The following IGFL2 variants were observed in gnomAD, a reference collection of about 807,000 sequenced individuals.
IGFL2 encodes insulin growth factor-like family member 2.
IGFL2 carries 7 observed loss-of-function variants against 13.9 expected under a neutral mutation model. That is an observed-to-expected ratio of 0.51 (90% CI 0.29 to 0.95). The LOEUF (loss-of-function observed/expected upper bound fraction) is 0.95, where lower values mean the gene tolerates loss of function less well. Among genes scored for constraint, IGFL2 ranks in the 40% least tolerant of loss-of-function variants. IGFL2 has a pLI of 0.08. For missense variants in IGFL2, 138 were observed against 147.8 expected, an observed-to-expected ratio of 0.93 and a Z score of 0.34; for synonymous variants, 55 against 55.8, an observed-to-expected ratio of 0.99 and a Z score of 0.07.
At chr19:46,120,839 A>G in the IGFL2 span, among the ~76,000 whole-genome samples, 1 of 150,916 alleles carries the variant, frequency 6.6e-6, no homozygotes, top group Admixed American at 6.6e-5. Flanking sequence ...AAAATGAGAA[A>G]TATTGAAGGT....
the IGFL2 span, chr19:46,203,220 A>G: frequency 6.6e-6 from 1 of 152,162 alleles, no homozygotes; most frequent in African/African-American, 2.4e-5. Context: ...CTCATTGTCT[A>G]GGGGAGGAAT....
the IGFL2 span, chr19:46,212,151 AC>A: frequency 1.3e-5 from 2 of 152,038 alleles, no homozygotes; most frequent in East Asian, 3.9e-4. Context: ...ACAACACTCT[AC>A]CCCACAGCAA....
chr19:46,097,426 C>A, the IGFL2 span, among the ~76,000 whole-genome samples: 1 of 151,930 alleles, frequency 6.6e-6, no homozygotes, highest in Non-Finnish European at 1.5e-5. Context: ...GTCTAGCTAG[C>A]AGTCTATTGA....
the IGFL2 span, among the ~76,000 whole-genome samples, chr19:46,192,356 A>G: frequency 7.2e-5 from 11 of 152,076 alleles, no homozygotes; most frequent in Non-Finnish European, 1.3e-4. Context: ...TACATTAAAC[A>G]TTGTGGAATT....
At chr19:46,120,858 T>C in the IGFL2 span, among the ~76,000 whole-genome samples, 21 of 150,958 alleles carry the variant, frequency 1.4e-4, 1 homozygote, top group Non-Finnish European at 3.1e-4. Context: ...GTAATAGATA[T>C]GTTAATTTCC....
chr19:46,154,043 T>C (rs1950947815), intron 1 of IGFL2, among the ~76,000 whole-genome samples: 1 of 152,098 alleles, frequency 6.6e-6, no homozygotes, highest in African/African-American at 2.4e-5. Context: ...TGTGTCCATG[T>C]GTTCTCACAG....
the IGFL2 span, among the ~76,000 whole-genome samples, chr19:46,117,890 G>C: frequency 6.6e-6 from 1 of 152,144 alleles, no homozygotes; most frequent in East Asian, 1.9e-4. Context: ...TGACACTACA[G>C]AGCCTGCCTT....
the IGFL2 span, among the ~76,000 whole-genome samples, chr19:46,199,170 T>C: frequency 6.6e-6 from 1 of 152,224 alleles, no homozygotes; most frequent in Non-Finnish European, 1.5e-5. Flanking sequence ...TCAGGAGACC[T>C]GGGCTCTGGT....
the IGFL2 span, among the ~76,000 whole-genome samples, chr19:46,136,413 C>T: frequency 6.6e-6 from 1 of 151,924 alleles, no homozygotes; most frequent in Non-Finnish European, 1.5e-5. Context: ...TGAAAAGATG[C>T]TATAGGTTCT....
At chr19:46,141,632 A>G (rs1972863306), upstream of IGFL2, among the ~76,000 whole-genome samples, 1 of 152,132 alleles carries the variant, frequency 6.6e-6, no homozygotes, top group South Asian at 2.1e-4. Context: ...ACAGGCTTCA[A>G]CAACATGACT....
At chr19:46,095,854 T>TA in the IGFL2 span, among the ~76,000 whole-genome samples, 1 of 152,180 alleles carries the variant, frequency 6.6e-6, no homozygotes, top group Admixed American at 6.5e-5. Flanking sequence ...TGTGTGGACT[T>TA]ATTTTTGAGA....
At chr19:46,082,047 A>G in the IGFL2 span, among the ~76,000 whole-genome samples, 1 of 152,234 alleles carries the variant, frequency 6.6e-6, no homozygotes, top group Non-Finnish European at 1.5e-5. Flanking sequence ...TTAGCAGAGT[A>G]TACACTTCTA....
chr19:46,183,404 T>G, the IGFL2 span, among the ~76,000 whole-genome samples: 1 of 151,826 alleles, frequency 6.6e-6, no homozygotes, highest in African/African-American at 2.4e-5. Context: ...CTTCTCTCCC[T>G]CTCTCATTTC....
At chr19:46,174,362 T>G in the IGFL2 span, among the ~76,000 whole-genome samples, 1 of 152,250 alleles carries the variant, frequency 6.6e-6, no homozygotes, top group South Asian at 2.1e-4. Context: ...GCTCTGGAGA[T>G]CCACATCCTG....
chr19:46,199,739 C>T, the IGFL2 span, among the ~76,000 whole-genome samples: 81 of 152,326 alleles, frequency 5.3e-4, no homozygotes, highest in Middle Eastern at 3.4e-3. Flanking sequence ...CTACCTGCCT[C>T]GAGCCATCCC....
chr19:46,083,597 A>C, the IGFL2 span, among the ~76,000 whole-genome samples: 1 of 152,182 alleles, frequency 6.6e-6, no homozygotes, highest in Non-Finnish European at 1.5e-5. Flanking sequence ...TTTTCAAGAA[A>C]ATATATTACT....
At chr19:46,153,839 A>ATTTT (rs1555744721) in intron 1 of IGFL2, among the ~76,000 whole-genome samples, 25 of 139,346 alleles carry the variant, frequency 1.8e-4, no homozygotes, top group East Asian at 8.1e-4. Context: ...ATATATATAT[A>ATTTT]TTTTTTTTAC....
At chr19:46,203,406 C>A in the IGFL2 span, 1 of 152,994 alleles carries the variant, frequency 6.5e-6, no homozygotes, top group South Asian at 2.0e-4. Context: ...TGGCCAACAC[C>A]CCGGTACAGT....
At chr19:46,162,589 G>A (rs915096355), downstream of IGFL2, among the ~76,000 whole-genome samples, 1 of 152,106 alleles carries the variant, frequency 6.6e-6, no homozygotes, top group South Asian at 2.1e-4. Context: ...TTATTCTACT[G>A]TTAATACTTG....
Sources: allele counts gnomAD v4.1 joint callset (sites outside exome capture counted in the v4.1 genomes callset), GRCh38; gene constraint gnomAD v4.1.1; transcripts MANE v1.5; gene names NCBI Gene and HGNC (gene_info 2026-07-23, HGNC 2026-07-21).